ADGRA3: variants seen among roughly 807,000 people sequenced by gnomAD.
ADGRA3 encodes the protein adhesion G protein-coupled receptor A3.
In ADGRA3, 56 loss-of-function variants were observed where a neutral mutation model predicts 119.8. That is an observed-to-expected ratio of 0.47 (90% CI 0.38 to 0.58). ADGRA3 has a LOEUF of 0.58. Ranked by LOEUF, ADGRA3 falls within the 20% of genes least tolerant of loss-of-function variation. The pLI is 0.00. For missense variants in ADGRA3, 1,516 were observed against 1,649.0 expected (o/e 0.92, Z 1.40); for synonymous variants, 607 against 623.8 (o/e 0.97, Z 0.40).
intron 1 of ADGRA3, among the ~76,000 whole-genome samples, chr4:22,483,028 C>T (rs1458147632): frequency 6.6e-6 from 1 of 152,202 alleles, no homozygotes; most frequent in Non-Finnish European, 1.5e-5. Flanking sequence ...ACCCAGCAGA[C>T]TTCTGGTGGG....
At chr4:22,510,843 C>T (rs908717575) in intron 1 of ADGRA3, among the ~76,000 whole-genome samples, 1 of 152,186 alleles carries the variant, frequency 6.6e-6, no homozygotes, top group Non-Finnish European at 1.5e-5. Context: ...GTCTCCAGCA[C>T]AGGATTTATT....
chr4:22,479,640 T>A (rs58915823), intron 1 of ADGRA3, among the ~76,000 whole-genome samples: 4,864 of 152,190 alleles, frequency 0.032, 262 homozygotes, highest in African/African-American at 0.11. Context: ...GCAATCCCAT[T>A]ACTGGGTATA....
At chr4:22,450,835 A>C (rs1717008185) in intron 4 of ADGRA3, among the ~76,000 whole-genome samples, 1 of 151,840 alleles carries the variant, frequency 6.6e-6, no homozygotes, top group Non-Finnish European at 1.5e-5. Flanking sequence ...ACTCTATTAA[A>C]AACATGTTAA....
chr4:22,422,695 C>A (rs1043484929), intron 11 of ADGRA3, among the ~76,000 whole-genome samples: 24 of 152,306 alleles, frequency 1.6e-4, no homozygotes, highest in African/African-American at 5.1e-4. Context: ...CAAATTCCTA[C>A]TATGACCTTT....
At chr4:22,437,488 A>G (rs1193581937) in intron 8 of ADGRA3, among the ~76,000 whole-genome samples, 4 of 152,142 alleles carry the variant, frequency 2.6e-5, no homozygotes, top group African/African-American at 9.7e-5. Flanking sequence ...AGAATAACAT[A>G]TTTCCCTTTG....
intron 2 of ADGRA3, among the ~76,000 whole-genome samples, chr4:22,462,487 G>C (rs905853371): frequency 3.9e-5 from 6 of 152,030 alleles, no homozygotes; most frequent in African/African-American, 1.4e-4. Flanking sequence ...CTAATTTTTT[G>C]TATTTTTAGT....
chr4:22,482,107 T>C (rs1032837938), intron 1 of ADGRA3, among the ~76,000 whole-genome samples: 5 of 152,234 alleles, frequency 3.3e-5, no homozygotes, highest in Admixed American at 3.3e-4. Flanking sequence ...CTGGGTGGTA[T>C]GCTTTAGCTC....
intron 2 of ADGRA3, among the ~76,000 whole-genome samples, chr4:22,468,911 A>T (rs2109113472): frequency 6.6e-6 from 1 of 152,278 alleles, no homozygotes; most frequent in South Asian, 2.1e-4. Flanking sequence ...GAAAATTTAT[A>T]GGAAGTATAA....
chr4:22,491,251 A>G (rs1718611958), intron 1 of ADGRA3, among the ~76,000 whole-genome samples: 2 of 152,226 alleles, frequency 1.3e-5, no homozygotes. Context: ...AGAAGTCAAG[A>G]AACTTGCCAG....
chr4:22,497,074 A>C (rs936647083), intron 1 of ADGRA3, among the ~76,000 whole-genome samples: 1 of 152,194 alleles, frequency 6.6e-6, no homozygotes, highest in African/African-American at 2.4e-5. Flanking sequence ...TCATAACCAA[A>C]AACAAGCCTG....
intron 4 of ADGRA3, among the ~76,000 whole-genome samples, chr4:22,453,720 G>A (rs1717144388): frequency 6.6e-6 from 1 of 152,064 alleles, no homozygotes; most frequent in African/African-American, 2.4e-5. Context: ...CAACATAAAT[G>A]TCTTTCAGTG....
chr4:22,507,297 T>A (rs2030403843), intron 1 of ADGRA3, among the ~76,000 whole-genome samples: 1 of 152,164 alleles, frequency 6.6e-6, no homozygotes, highest in South Asian at 2.1e-4. Context: ...TGTATTCTAA[T>A]CTTTGTTTAT....
intron 2 of ADGRA3, among the ~76,000 whole-genome samples, chr4:22,472,808 T>C (rs992788649): frequency 1.3e-5 from 2 of 152,076 alleles, no homozygotes; most frequent in African/African-American, 2.4e-5. Context: ...ATGAGGACAG[T>C]GTGTTATTCC....
chr4:22,472,056 C>T (rs1035088276), intron 2 of ADGRA3, among the ~76,000 whole-genome samples: 6 of 151,986 alleles, frequency 3.9e-5, no homozygotes, highest in Admixed American at 6.6e-5. Context: ...ATCTTAGGTG[C>T]CAAAAATAAA....
At chr4:22,514,255 G>A (rs1007017552) in intron 1 of ADGRA3, among the ~76,000 whole-genome samples, 1 of 152,058 alleles carries the variant, frequency 6.6e-6, no homozygotes, top group African/African-American at 2.4e-5. Context: ...CAAAGAATCT[G>A]ACTAAGAAAT....
chr4:22,399,370 T>A (rs1409826590), intron 16 of ADGRA3, among the ~76,000 whole-genome samples: 1 of 152,196 alleles, frequency 6.6e-6, no homozygotes, highest in African/African-American at 2.4e-5. Context: ...TCAAAATTAT[T>A]TTTTTTCTAG....
intron 5 of ADGRA3, among the ~76,000 whole-genome samples, chr4:22,445,528 T>G (rs1456709133): frequency 6.6e-6 from 1 of 152,172 alleles, no homozygotes; most frequent in East Asian, 1.9e-4. Context: ...CATCCCCAAT[T>G]TTCCACCATC....
At chr4:22,459,421 A>G (rs1393291821) in intron 3 of ADGRA3, among the ~76,000 whole-genome samples, 1 of 152,072 alleles carries the variant, frequency 6.6e-6, no homozygotes, top group Non-Finnish European at 1.5e-5. Context: ...CCCCCATGGC[A>G]CAAGTTTACC....
chr4:22,404,890 G>A (rs1002972744), intron 14 of ADGRA3, among the ~76,000 whole-genome samples: 4 of 152,182 alleles, frequency 2.6e-5, no homozygotes, highest in African/African-American at 9.7e-5. Context: ...TCAATGAAAA[G>A]CTTCTATTCC....
Sources: allele counts gnomAD v4.1 joint callset (sites outside exome capture counted in the v4.1 genomes callset), GRCh38; gene constraint gnomAD v4.1.1; transcripts MANE v1.5; gene names NCBI Gene and HGNC (gene_info 2026-07-23, HGNC 2026-07-21).